DLG2: variants seen among roughly 807,000 people sequenced by gnomAD.
The protein encoded by DLG2 is discs large MAGUK scaffold protein 2, also known as disks large homolog 2.
A neutral mutation model predicts 132.5 loss-of-function variants in DLG2; 45 were observed. The ratio of observed to expected loss-of-function variants is 0.34; its 90% CI spans 0.27 to 0.44. The LOEUF (loss-of-function observed/expected upper bound fraction) is 0.44, where lower values mean the gene tolerates loss of function less well. Ranked by LOEUF, DLG2 falls within the 20% of genes least tolerant of loss-of-function variation. The probability of loss-of-function intolerance (pLI) is 1.00; values close to 1 mark genes in which losing one functional copy is unlikely to be tolerated. For missense variants in DLG2, 1,045 were observed against 1,196.9 expected (o/e 0.87, Z 1.87); for synonymous variants, 424 against 419.6 (o/e 1.01, Z -0.13).
intron 6 of DLG2, among the ~76,000 whole-genome samples, chr11:84,806,163 A>T (rs2075975629): frequency 6.6e-6 from 1 of 152,198 alleles, no homozygotes; most frequent in Non-Finnish European, 1.5e-5. Context: ...AAAAATCACA[A>T]GAGCCTCAGG....
intron 5 of DLG2, among the ~76,000 whole-genome samples, chr11:85,129,920 G>C (rs2075531047): frequency 6.6e-6 from 1 of 151,896 alleles, no homozygotes; most frequent in Non-Finnish European, 1.5e-5. Flanking sequence ...CATGGATGAA[G>C]CTGAAAATCA....
intron 19 of DLG2, among the ~76,000 whole-genome samples, chr11:83,599,421 G>C (rs946604172): frequency 2.0e-5 from 3 of 151,938 alleles, no homozygotes; most frequent in African/African-American, 4.9e-5. Context: ...TGTTACGTCT[G>C]ATTGGACAAC....
chr11:85,242,610 A>C (rs534305210), intron 4 of DLG2, among the ~76,000 whole-genome samples: 1 of 147,656 alleles, frequency 6.8e-6, no homozygotes, highest in South Asian at 2.1e-4. Flanking sequence ...AACCTAATCC[A>C]TTTTTTTCAG....
At chr11:85,571,067 G>T (rs114827775) in intron 3 of DLG2, among the ~76,000 whole-genome samples, 1 of 151,806 alleles carries the variant, frequency 6.6e-6, no homozygotes, top group Non-Finnish European at 1.5e-5. Context: ...TAAAACAACC[G>T]ATTTAAAATC....
intron 4 of DLG2, among the ~76,000 whole-genome samples, chr11:85,238,161 C>T (rs1303963094): frequency 6.6e-6 from 1 of 150,838 alleles, no homozygotes; most frequent in African/African-American, 2.4e-5. Context: ...TGGTCAGAGG[C>T]TGCTTTTCCT....
In DLG2 at chr11:83,874,436, C is replaced by A; in HGVS notation, c.1549G>T (p.Ala517Ser). 1.3e-6 allele frequency: 2 copies of A among 1,598,766 alleles called. No homozygotes were observed. Among genetic ancestry groups the A allele is most frequent in the Non-Finnish European group, 1.7e-6 (2 of 1,170,802 alleles). ...TTATCTTACCCTTCCAGGGAGACGG[C>A]CCGTTGGAGAGTCATTGAAGGCTGA... ...TRQPSMTLQR[A>S]VSLEGEPRKV... The change falls in exon 16 of 28, where the codon GCC becomes TCC. Residue 517 changes from alanine to serine, a missense_variant. Around this residue, in one of 4 missense-constraint regions of DLG2, gnomAD observed 261 missense variants for 256.1 expected, o/e 1.02. Transcript: ENST00000376104.
chr11:84,871,114 A>G (rs2085397842), intron 6 of DLG2, among the ~76,000 whole-genome samples: 1 of 152,080 alleles, frequency 6.6e-6, no homozygotes. Context: ...GCCTTCAACT[A>G]CTCAATTTAT....
rs3067460 is a variant in DLG2 at position 85,191,162 on chromosome 11, G to GCACACACACACA, written c.187-36523_187-36512dup. On this transcript the variant is annotated intron_variant, in intron 4 of 27. Coordinates refer to ENST00000376104, the MANE Select transcript of DLG2 (RefSeq NM_001142699.3). The stretch of plus-strand genomic sequence containing the variant: ...TATGCATGCGCGCGCGCGCACGCGC[G>GCACACACACACA]CACACACACACACACACACACACAC... 2.4e-3 allele frequency among the ~76,000 whole-genome samples: 337 copies of GCACACACACACA among 139,910 alleles called. 2 individuals carry two copies. The highest frequency in any genetic ancestry group is 4.8e-3 in the African/African-American group (172 of 36,106). 91.8% of individuals were successfully genotyped at this position (139,910 alleles called of 152,430 possible).
intron 18 of DLG2, among the ~76,000 whole-genome samples, chr11:83,680,414 C>G (rs778817793): frequency 5.3e-5 from 8 of 152,142 alleles, no homozygotes; most frequent in Non-Finnish European, 1.0e-4. Flanking sequence ...GTGACCTAAG[C>G]TTTAAAAAAT....
At chr11:84,074,477 T>G (rs890478246) in intron 10 of DLG2, among the ~76,000 whole-genome samples, 7 of 152,002 alleles carry the variant, frequency 4.6e-5, no homozygotes, top group Non-Finnish European at 1.0e-4. Context: ...GGCTCACGGG[T>G]TCCACTCCTG....
In DLG2 at chr11:83,888,906, T is replaced by C. The variant is rs542092412; in HGVS notation, c.1497-14418A>G. On this transcript the variant is annotated intron_variant, in intron 15 of 27. Coordinates refer to ENST00000376104, the MANE Select transcript of DLG2 (RefSeq NM_001142699.3). ...GCTGGGAAAACTGGCTAGCCATATG[T>C]AGAAAGCTGAAACTGGATCTCTTCC... Among the ~76,000 whole-genome samples, 10 of 152,300 alleles carry C rather than the reference T, an allele frequency of 6.6e-5. No individual in the cohort carries two copies. In the East Asian group the frequency reaches 1.7e-3, roughly 26 times the overall value.
intron 25 of DLG2, among the ~76,000 whole-genome samples, chr11:83,468,353 C>T (rs971019605): frequency 5.9e-5 from 9 of 152,120 alleles, no homozygotes; most frequent in Non-Finnish European, 1.2e-4. Flanking sequence ...GTTGATTATT[C>T]ACCAGTCAGA....
At chr11:84,773,044 C>A (rs556665672) in intron 6 of DLG2, among the ~76,000 whole-genome samples, 1 of 151,972 alleles carries the variant, frequency 6.6e-6, no homozygotes, top group Non-Finnish European at 1.5e-5. Context: ...AAACCACTAG[C>A]TAGAATAAAA....
chr11:85,612,585 C>T (rs1041717047), intron 2 of DLG2, among the ~76,000 whole-genome samples: 1 of 152,246 alleles, frequency 6.6e-6, no homozygotes, highest in Admixed American at 6.5e-5. Context: ...TTACTAATAG[C>T]AAAGAATAAT....
intron 17 of DLG2, among the ~76,000 whole-genome samples, chr11:83,825,074 T>TATATATACACACATATATATACAC (rs1565218671): frequency 2.7e-5 from 4 of 148,658 alleles, no homozygotes; most frequent in East Asian, 3.9e-4. Context: ...TATATACACA[T>TATATATACACACATATATATACAC]ATATATACAC....
chr11:83,682,098 A>G (rs2078925179), intron 18 of DLG2: 2 of 981,884 alleles, frequency 2.0e-6, no homozygotes, highest in Non-Finnish European at 2.4e-6. Context: ...ATTCCAAACT[A>G]TGGGTACGTT....
chr11:84,737,912 A>G (rs1392575658), intron 6 of DLG2, among the ~76,000 whole-genome samples: 1 of 152,082 alleles, frequency 6.6e-6, no homozygotes, highest in Admixed American at 6.5e-5. Context: ...ATGATATACT[A>G]AAAAGTAATA....
At chr11:84,380,730 C>T (rs1343724069) in intron 7 of DLG2, among the ~76,000 whole-genome samples, 1 of 151,712 alleles carries the variant, frequency 6.6e-6, no homozygotes, top group Non-Finnish European at 1.5e-5. Context: ...ACAAATATTT[C>T]AAAAGTAGAA....
At chr11:84,640,137 G>T in intron 6 of DLG2, 1 of 299,556 alleles carries the variant, frequency 3.3e-6, no homozygotes, top group South Asian at 3.6e-5. Flanking sequence ...CAGTCTCCTT[G>T]GAAAGAAAAA....
Sources: allele counts gnomAD v4.1 joint callset (sites outside exome capture counted in the v4.1 genomes callset), GRCh38; gene constraint gnomAD v4.1.1; regional missense constraint gnomAD v4.1.1; transcripts MANE v1.5; gene names NCBI Gene and HGNC (gene_info 2026-07-23, HGNC 2026-07-21).